The following RARB variants were observed in gnomAD, a reference collection of about 807,000 sequenced individuals.
The protein encoded by RARB is HBV-activated protein.
RARB carries 17 observed loss-of-function variants against 51.9 expected under a neutral mutation model. That is an observed-to-expected ratio of 0.33 (90% CI 0.22 to 0.49). The LOEUF is 0.49. Among genes scored for constraint, RARB ranks in the 20% least tolerant of loss-of-function variants. The pLI, the probability that RARB is intolerant of heterozygous loss-of-function variation, is 0.99. For missense variants in RARB, 369 were observed against 550.8 expected, an observed-to-expected ratio of 0.67 and a Z score of 3.30; for synonymous variants, 215 against 195.4, an observed-to-expected ratio of 1.10 and a Z score of -0.84.
At chr3:25,376,558 A>G (rs1575354099) in intron 5 of RARB, among the ~76,000 whole-genome samples, 3 of 152,272 alleles carry the variant, frequency 2.0e-5, no homozygotes, top group African/African-American at 7.2e-5. Flanking sequence ...TTAAACTTGG[A>G]AACTGGTTTT....
chr3:24,906,688 C>A (rs556107987), intron 2 of RARB, among the ~76,000 whole-genome samples: 1 of 151,442 alleles, frequency 6.6e-6, no homozygotes, highest in South Asian at 2.1e-4. Flanking sequence ...TCTAAAAATA[C>A]AAAAAAATTA....
At chr3:25,203,865 T>A (rs1001346679) in intron 5 of RARB, among the ~76,000 whole-genome samples, 1 of 152,212 alleles carries the variant, frequency 6.6e-6, no homozygotes, top group Non-Finnish European at 1.5e-5. Context: ...GCCCTTAACA[T>A]TTTTTCCTTC....
intron 2 of RARB, among the ~76,000 whole-genome samples, chr3:24,965,213 G>A (rs1295206947): frequency 6.6e-6 from 1 of 152,042 alleles, no homozygotes; most frequent in Non-Finnish European, 1.5e-5. Flanking sequence ...TGTGTTGAGT[G>A]TATTTTTGTC....
chr3:25,114,317 C>T (rs568087131), intron 3 of RARB, among the ~76,000 whole-genome samples: 5 of 152,284 alleles, frequency 3.3e-5, no homozygotes, highest in South Asian at 4.1e-4. Flanking sequence ...CCAAACCAGA[C>T]GGTTGGAGTA....
At chr3:25,474,618 T>C (rs1233217032) in intron 2 of RARB, among the ~76,000 whole-genome samples, 1 of 152,218 alleles carries the variant, frequency 6.6e-6, no homozygotes. Flanking sequence ...TCTCATGATT[T>C]CATCAAAAAC....
chr3:24,909,319 C>T (rs1694939737), intron 2 of RARB, among the ~76,000 whole-genome samples: 1 of 152,182 alleles, frequency 6.6e-6, no homozygotes, highest in Admixed American at 6.5e-5. Context: ...TAACACATTT[C>T]TATAACATGA....
intron 4 of RARB, among the ~76,000 whole-genome samples, chr3:25,143,236 T>C (rs2125337850): frequency 6.6e-6 from 1 of 152,294 alleles, no homozygotes; most frequent in Middle Eastern, 3.4e-3. Flanking sequence ...TGGTAACACG[T>C]TGAGGCAAAT....
intron 3 of RARB, among the ~76,000 whole-genome samples, chr3:25,561,689 G>A (rs1317650560): frequency 1.3e-5 from 2 of 152,066 alleles, no homozygotes; most frequent in Non-Finnish European, 2.9e-5. Flanking sequence ...ATTTTAAGAG[G>A]AAATGTATGA....
At chr3:25,223,992 G>T (rs1190044998) in intron 5 of RARB, among the ~76,000 whole-genome samples, 4 of 152,080 alleles carry the variant, frequency 2.6e-5, no homozygotes, top group Non-Finnish European at 5.9e-5. Context: ...AGTTCCAAGG[G>T]TTTTTCTAAA....
chr3:24,939,291 G>C (rs1014891295), intron 2 of RARB, among the ~76,000 whole-genome samples: 1 of 152,272 alleles, frequency 6.6e-6, no homozygotes, highest in South Asian at 2.1e-4. Flanking sequence ...TATGTACAGT[G>C]ACTGTTTGAG....
intron 5 of RARB, among the ~76,000 whole-genome samples, chr3:25,177,660 C>G (rs929711060): frequency 6.6e-6 from 1 of 152,180 alleles, no homozygotes; most frequent in Non-Finnish European, 1.5e-5. Context: ...GTTATACCTG[C>G]TTGTCACTCT....
chr3:25,543,395 T>A (rs1699468278), intron 3 of RARB, among the ~76,000 whole-genome samples: 1 of 152,108 alleles, frequency 6.6e-6, no homozygotes, highest in Non-Finnish European at 1.5e-5. Flanking sequence ...TTGACATACA[T>A]CCTCCAAATA....
chr3:25,083,705 T>C (rs1301436971), intron 3 of RARB, among the ~76,000 whole-genome samples: 1 of 152,208 alleles, frequency 6.6e-6, no homozygotes, highest in Non-Finnish European at 1.5e-5. Context: ...GAGTGTGTGC[T>C]AGGCATAGTA....
chr3:25,217,044 C>T (rs1368693681), intron 5 of RARB, among the ~76,000 whole-genome samples: 6 of 152,070 alleles, frequency 3.9e-5, no homozygotes, highest in East Asian at 3.9e-4. Context: ...TCAAGAGGTG[C>T]GTGCTATCTA....
At chr3:25,332,722 G>A (rs563748331) in intron 5 of RARB, among the ~76,000 whole-genome samples, 2 of 152,306 alleles carry the variant, frequency 1.3e-5, no homozygotes, top group East Asian at 3.9e-4. Context: ...ATTAGGAAAA[G>A]AGGAAGTCAA....
intron 3 of RARB, among the ~76,000 whole-genome samples, chr3:25,528,445 C>T (rs1698750415): frequency 6.6e-6 from 1 of 151,972 alleles, no homozygotes; most frequent in Non-Finnish European, 1.5e-5. Context: ...GGGCCCCATG[C>T]TGTGTTTGGA....
chr3:25,231,368 C>A (rs1702172359), intron 5 of RARB, among the ~76,000 whole-genome samples: 1 of 152,142 alleles, frequency 6.6e-6, no homozygotes, highest in Admixed American at 6.6e-5. Context: ...TTTAGAAGCA[C>A]CAAGACAAGG....
At chr3:25,363,021 A>G (rs1705999327) in intron 5 of RARB, among the ~76,000 whole-genome samples, 1 of 152,166 alleles carries the variant, frequency 6.6e-6, no homozygotes, top group African/African-American at 2.4e-5. Context: ...CAATTGAAAC[A>G]TGAAAGTTGA....
At chr3:25,416,519 A>G (rs770229318) in intron 5 of RARB, among the ~76,000 whole-genome samples, 7 of 152,188 alleles carry the variant, frequency 4.6e-5, no homozygotes, top group African/African-American at 1.2e-4. Context: ...AGCCAATTCA[A>G]TGGATTGGTA....
Sources: gnomAD v4.1 joint callset for allele counts (sites outside exome capture counted in the v4.1 genomes callset) on GRCh38, gnomAD v4.1.1 for gene constraint, MANE v1.5 for transcripts, NCBI Gene and HGNC (gene_info 2026-07-23, HGNC 2026-07-21) for gene names.